ASTN2: variants seen among roughly 807,000 people sequenced by gnomAD.
ASTN2 encodes the protein astrotactin-2.
ASTN2 carries 54 observed loss-of-function variants against 139.8 expected under a neutral mutation model. The ratio of observed to expected loss-of-function variants is 0.39; its 90% CI spans 0.31 to 0.48. ASTN2 has a LOEUF of 0.48. Among genes scored for constraint, ASTN2 ranks in the 20% least tolerant of loss-of-function variants. The pLI, the probability that ASTN2 is intolerant of heterozygous loss-of-function variation, is 0.95. For missense variants in ASTN2, 1,565 were observed against 1,725.1 expected (o/e 0.91, Z 1.64); for synonymous variants, 756 against 719.5 (o/e 1.05, Z -0.81).
intron 1 of ASTN2, among the ~76,000 whole-genome samples, chr9:117,301,113 G>C (rs1834865504): frequency 6.6e-6 from 1 of 152,132 alleles, no homozygotes; most frequent in South Asian, 2.1e-4. Context: ...TAGATAGAGG[G>C]TTGCTGGAAT....
chr9:117,290,000 A>G (rs1223741572), intron 2 of ASTN2, among the ~76,000 whole-genome samples: 1 of 152,212 alleles, frequency 6.6e-6, no homozygotes, highest in Non-Finnish European at 1.5e-5. Context: ...CGTTGAAGAG[A>G]AACGAGAAAG....
chr9:117,391,736 A>C (rs914486610), intron 1 of ASTN2, among the ~76,000 whole-genome samples: 2 of 152,170 alleles, frequency 1.3e-5, no homozygotes, highest in Non-Finnish European at 2.9e-5. Flanking sequence ...GCATTAACTC[A>C]AAAGTCCACA....
chr9:116,681,429 C>T (rs1396507207), intron 16 of ASTN2, among the ~76,000 whole-genome samples: 2 of 152,096 alleles, frequency 1.3e-5, no homozygotes, highest in Admixed American at 6.5e-5. Flanking sequence ...GAATTAATAT[C>T]GTGAAAATGG....
chr9:116,837,682 G>C (rs1210489876), intron 11 of ASTN2, among the ~76,000 whole-genome samples: 1 of 69,702 alleles, frequency 1.4e-5, no homozygotes, highest in African/African-American at 5.2e-5. Flanking sequence ...AGGTGGGCCA[G>C]CTGTTCTGAG....
Position 116,976,754 on chromosome 9 carries a change from AG to A in ASTN2, c.1622del (p.Pro541LeufsTer33), listed in dbSNP as rs1836351897. On this transcript the variant is annotated frameshift_variant, in exon 8 of 23. Coordinates refer to ENST00000313400, the MANE Select transcript of ASTN2 (RefSeq NM_001365068.1). LOFTEE classifies it high-confidence loss of function. Reference sequence around the variant, plus strand: ...CACACAGGTGTCTGTGAACAGGGTCAGGGGCATAGCCTTCATGACAGCTGCA... The same window carrying A: ...CACACAGGTGTCTGTGAACAGGGTCAGGGCATAGCCTTCATGACAGCTGCA... ...GECSCHEGYA[P>X]DPVHRHLCVR... The A allele has an allele frequency of 1.2e-6, 2 of 1,614,022 alleles. No individual in the cohort carries two copies.
In ASTN2 at chr9:117,198,321, C is replaced by T. The variant is rs1831579363; in HGVS notation, c.1015+16037G>A. On this transcript the variant is annotated intron_variant, in intron 3 of 22. Coordinates refer to ENST00000313400, the MANE Select transcript of ASTN2 (RefSeq NM_001365068.1). ...TATGTAAGTGTGCTGAGGGTGATGG[C>T]TTCCAGCTTCATCCATGTCCCTGCA... 4.6e-5 allele frequency among the ~76,000 whole-genome samples: 7 copies of T among 152,182 alleles called. No homozygotes were observed. In the South Asian group the frequency reaches 1.5e-3, roughly 32 times the overall value.
At chr9:116,790,221 C>T (rs1288601657) in intron 13 of ASTN2, among the ~76,000 whole-genome samples, 3 of 152,112 alleles carry the variant, frequency 2.0e-5, no homozygotes, top group Non-Finnish European at 2.9e-5. Flanking sequence ...CCCCCACACC[C>T]GGCCTACCCT....
At chr9:116,563,374 CAA>C (rs552208842) in intron 19 of ASTN2, among the ~76,000 whole-genome samples, 23,795 of 134,324 alleles carry the variant, frequency 0.18, 2,059 homozygotes, top group African/African-American at 0.25. Context: ...GACTCTGTCT[CAA>C]AAAAATAAAA....
chr9:116,631,704 C>T (rs1289752936), intron 17 of ASTN2, among the ~76,000 whole-genome samples: 1 of 151,970 alleles, frequency 6.6e-6, no homozygotes, highest in Non-Finnish European at 1.5e-5. Context: ...TTCAAAATAG[C>T]TGGAAGAGAA....
intron 19 of ASTN2, among the ~76,000 whole-genome samples, chr9:116,551,849 G>A (rs1467129120): frequency 1.3e-5 from 2 of 152,150 alleles, no homozygotes; most frequent in African/African-American, 2.4e-5. Flanking sequence ...TGCGGGAGCA[G>A]GAACTTTTAG....
intron 19 of ASTN2, among the ~76,000 whole-genome samples, chr9:116,511,804 G>C (rs931837950): frequency 2.6e-5 from 4 of 152,090 alleles, no homozygotes; most frequent in Admixed American, 6.5e-5. Context: ...GGTGTTTATA[G>C]TATTCTCTGA....
intron 11 of ASTN2, among the ~76,000 whole-genome samples, chr9:116,828,610 C>T (rs7855630): frequency 0.83 from 125,044 of 151,558 alleles, 51,755 homozygotes; most frequent in Middle Eastern, 0.92. Flanking sequence ...CATTATCTTA[C>T]TGGGGAAAAA....
At chr9:116,650,502 G>A (rs962173362) in intron 17 of ASTN2, among the ~76,000 whole-genome samples, 2 of 152,106 alleles carry the variant, frequency 1.3e-5, no homozygotes, top group Non-Finnish European at 2.9e-5. Context: ...AAAGGGGTAC[G>A]ATATTAAAAT....
chr9:116,673,213 C>A (rs1859305182), intron 16 of ASTN2, among the ~76,000 whole-genome samples: 1 of 152,200 alleles, frequency 6.6e-6, no homozygotes, highest in Non-Finnish European at 1.5e-5. Flanking sequence ...AGTGTTCTTT[C>A]ATTTTCAATA....
At chr9:116,730,701 A>G (rs1038452587) in intron 14 of ASTN2, among the ~76,000 whole-genome samples, 5 of 152,200 alleles carry the variant, frequency 3.3e-5, no homozygotes, top group African/African-American at 9.7e-5. Flanking sequence ...ATTGGCAGCC[A>G]AGGCCTATCT....
At chr9:116,660,180 A>G (rs914596624) in intron 16 of ASTN2, among the ~76,000 whole-genome samples, 6 of 151,548 alleles carry the variant, frequency 4.0e-5, no homozygotes, top group African/African-American at 1.2e-4. Context: ...ACACACACAC[A>G]CACACACACA....
intron 18 of ASTN2, 141 bp downstream of exon 18, chr9:116,620,169 A>C: frequency 8.4e-7 from 1 of 1,197,588 alleles, no homozygotes; most frequent in Non-Finnish European, 1.2e-6. Context: ...TCTTTCCTAA[A>C]AAAGGAGGTA....
chr9:117,007,623 A>T (rs1337294085), intron 7 of ASTN2, among the ~76,000 whole-genome samples: 1 of 152,206 alleles, frequency 6.6e-6, no homozygotes, highest in Non-Finnish European at 1.5e-5. Context: ...ATACCTAAAA[A>T]TATGCCTGGC....
At chr9:116,776,500 T>G (rs564703737) in intron 13 of ASTN2, among the ~76,000 whole-genome samples, 9 of 152,336 alleles carry the variant, frequency 5.9e-5, no homozygotes, top group Non-Finnish European at 1.2e-4. Context: ...GCTTGAAACC[T>G]ATACTCTTCC....
Sources: gnomAD v4.1 joint callset for allele counts (sites outside exome capture counted in the v4.1 genomes callset) on GRCh38, gnomAD v4.1.1 for gene constraint, MANE v1.5 for transcripts, NCBI Gene and HGNC (gene_info 2026-07-23, HGNC 2026-07-21) for gene names.